The following RIOX2 variants were observed in gnomAD, a reference collection of about 807,000 sequenced individuals.
RIOX2 encodes the protein 60S ribosomal protein L27a histidine hydroxylase.
Under a neutral mutation model 51.2 loss-of-function variants are expected in RIOX2, and 43 were observed. The observed-to-expected ratio is 0.84, with a 90% CI of 0.66 to 1.08. RIOX2 has a LOEUF of 1.08. RIOX2 is among the 50% of genes least tolerant of loss of function. The pLI, the probability that RIOX2 is intolerant of heterozygous loss-of-function variation, is 0.00. For missense variants in RIOX2, 566 were observed against 561.7 expected (o/e 1.01, Z -0.08); for synonymous variants, 226 against 218.5 (o/e 1.03, Z -0.30).
At chr3:97,967,709 A>C in intron 1 of RIOX2, 77 bp from the exon 2 acceptor site, 1 of 1,003,804 alleles carries the variant, frequency 1.0e-6, no homozygotes, top group Non-Finnish European at 1.4e-6. Flanking sequence ...GCGCGCACAC[A>C]CAACTGAATG....
chr3:97,943,944 T>C lies in RIOX2; in HGVS notation c.*1240A>G, dbSNP rs2040291881. On this transcript the variant is annotated 3_prime_UTR_variant, in exon 10 of 10. Coordinates refer to ENST00000394198, the MANE Select transcript of RIOX2 (RefSeq NM_153182.4). Reference sequence around the variant, plus strand: ...GCACAAGAAGTATTTTCTGTAGCTATTGTTTCCTCAGTCCTTCAAACTAAA... The same window carrying C: ...GCACAAGAAGTATTTTCTGTAGCTACTGTTTCCTCAGTCCTTCAAACTAAA... 6.6e-6 allele frequency: 1 copy of C among 151,984 alleles called. No individual in the cohort carries two copies. The highest frequency in any genetic ancestry group is 1.5e-5 in the Non-Finnish European group (1 of 67,938). The allele number at this position is 151,984 out of a possible 1,614,324, so 9.4% of individuals were successfully genotyped here.
Position 97,967,388 on chromosome 3 carries a change from T to C in RIOX2, c.206A>G (p.Asp69Gly). The C allele has an allele frequency of 6.2e-7, 1 of 1,614,180 alleles. No individual in the cohort carries two copies. Among genetic ancestry groups the C allele is most frequent in the Non-Finnish European group, 8.5e-7 (1 of 1,180,036 alleles). Residue 69 changes from aspartate to glycine, a missense_variant, in exon 2 of 10, where the codon GAT becomes GGT. By Grantham distance (94) the Asp-to-Gly change is moderately conservative. Transcript: ENST00000394198. ...WEQKPLLIQR[D>G]DPALATYYGS... ...ATAGTATGTGGCCAGTGCAGGGTCATCTCTCTGAATGAGAAGGGGCTTCTG... is the reference window on the plus strand; with the variant it reads ...ATAGTATGTGGCCAGTGCAGGGTCACCTCTCTGAATGAGAAGGGGCTTCTG...
chr3:97,959,310 T>TG lies in RIOX2; in HGVS notation c.553-132_553-131insC, dbSNP rs1413843680. On this transcript the variant is annotated intron_variant, in intron 3 of 9. Transcript: ENST00000394198. The stretch of plus-strand genomic sequence containing the variant: ...GGTGAACCTTGAACAACACAGGTTT[T>TG]TTTTTTTTTTTTTTTTTTTTAGTTG... The TG allele has an allele frequency of 3.5e-5, 26 of 741,380 alleles. No individual in the cohort carries two copies. The African/African-American group carries it at 4.3e-4, about 12-fold the overall frequency. The allele number at this position is 741,380 out of a possible 1,614,324, so 45.9% of individuals were successfully genotyped here. A position where few individuals can be genotyped will look rare whatever the true frequency, so the allele number is the denominator to read the frequency against.
In RIOX2 at chr3:97,959,038, G is replaced by A. The variant is rs373176562; in HGVS notation, c.681+13C>T. 27 of 1,603,074 alleles carry A rather than the reference G, an allele frequency of 1.7e-5. No homozygotes were observed. Among genetic ancestry groups the A allele is most frequent in the East Asian group, 2.3e-5 (1 of 44,394 alleles). ...GCTCTAACAATGAGGTGCCCACAAC[G>A]GTTATCACATACCTTCAGCATAAAC... On this transcript the variant is annotated intron_variant, in intron 4 of 9. Transcript: ENST00000394198.
At position 97,964,767 on chromosome 3, in the gene RIOX2, A is replaced by T. The variant is rs117726292; in HGVS notation, c.432+2395T>A. Reference sequence around the variant, plus strand: ...AATGGAACAAAAGCTGCCCTATTTCAAATGCCTGTTAGAAAGCTCAAAAGT... The same window carrying T: ...AATGGAACAAAAGCTGCCCTATTTCTAATGCCTGTTAGAAAGCTCAAAAGT... On this transcript the variant is annotated intron_variant, in intron 2 of 9. Coordinates refer to ENST00000394198, the MANE Select transcript of RIOX2 (RefSeq NM_153182.4). 3.3e-5 allele frequency among the ~76,000 whole-genome samples: 5 copies of T among 151,870 alleles called. No homozygotes were observed. In the East Asian group the frequency reaches 9.7e-4, roughly 29 times the overall value.
At chr3:97,971,063 A>G (rs1417988722) in intron 1 of RIOX2, among the ~76,000 whole-genome samples, 1 of 152,244 alleles carries the variant, frequency 6.6e-6, no homozygotes, top group African/African-American at 2.4e-5. Flanking sequence ...CAAAACAGTT[A>G]CGGAAAAAAC....
chr3:97,947,152 T>C (rs1362533868), intron 8 of RIOX2, among the ~76,000 whole-genome samples: 1 of 152,004 alleles, frequency 6.6e-6, no homozygotes, highest in African/African-American at 2.4e-5. Flanking sequence ...ATAAAGGGGA[T>C]GAAGGAAGGT....
chr3:97,964,875 T>C (rs1237066034), intron 2 of RIOX2, among the ~76,000 whole-genome samples: 1 of 152,034 alleles, frequency 6.6e-6, no homozygotes, highest in East Asian at 1.9e-4. Flanking sequence ...ACCAGGACTT[T>C]TAATATATGG....
At position 97,961,782 on chromosome 3, in the gene RIOX2, T is replaced by C. The variant is rs371930684; in HGVS notation, c.433-74A>G. On this transcript the variant is annotated intron_variant, in intron 2 of 9. Coordinates refer to ENST00000394198, the MANE Select transcript of RIOX2 (RefSeq NM_153182.4). ...TGTATTAGAAATAAGAATAAGAGCA[T>C]GTTCTTGTTCACTTAGGAAGTCTTT... is the stretch of plus-strand genomic sequence containing the variant. 1,181 of 1,475,186 alleles carry C rather than the reference T, an allele frequency of 8.0e-4. 24 individuals are homozygous for C. The South Asian group carries it at 0.015, about 19-fold the overall frequency. The allele number at this position is 1,475,186 out of a possible 1,614,324, so 91.4% of individuals were successfully genotyped here. A position where few individuals can be genotyped will look rare whatever the true frequency, so the allele number is the denominator to read the frequency against.
chr3:97,950,886 G>T lies in RIOX2; in HGVS notation c.788C>A (p.Ser263Ter). 1 of 1,610,316 alleles carries T rather than the reference G, an allele frequency of 6.2e-7. No homozygotes were observed. The highest frequency in any genetic ancestry group is 8.5e-7 in the Non-Finnish European group (1 of 1,176,988). ...GGTATCCAAAAGGAAATCTCCCCAT[G>T]AACTAGGATATGCACCAAGGGGGAA... ...HVTISTYQNN[S>*]WGDFLLDTIS... Residue 263 changes from serine to a stop codon, truncating the protein, a stop_gained and splice_region_variant, in exon 6 of 10, where the codon TCA becomes TAA. Coordinates refer to ENST00000394198, the MANE Select transcript of RIOX2 (RefSeq NM_153182.4). LOFTEE classifies it high-confidence loss of function.
intron 8 of RIOX2, among the ~76,000 whole-genome samples, chr3:97,946,586 G>GTGTATATATATATA (rs143245408): frequency 3.9e-5 from 5 of 127,612 alleles, no homozygotes; most frequent in African/African-American, 1.7e-4. Context: ...TTTTGAGGAT[G>GTGTATATATATATA]TATATATATA....
At chr3:97,958,798 A>G (rs780170749) in intron 4 of RIOX2, among the ~76,000 whole-genome samples, 41 of 152,278 alleles carry the variant, frequency 2.7e-4, no homozygotes, top group Non-Finnish European at 5.6e-4. Flanking sequence ...TGAACTGTAC[A>G]TGAAAACAGG....
intron 8 of RIOX2, among the ~76,000 whole-genome samples, chr3:97,946,993 C>T (rs1164979900): frequency 1.3e-5 from 2 of 152,064 alleles, no homozygotes; most frequent in East Asian, 3.9e-4. Flanking sequence ...GGAGATGCAA[C>T]AATATCCACA....
rs191914814 is a variant in RIOX2, at chr3:97,961,299, C to G, written c.552+290G>C. 3.3e-5 allele frequency among the ~76,000 whole-genome samples: 5 copies of G among 152,300 alleles called. No homozygotes were observed. In the East Asian group the frequency reaches 9.6e-4, roughly 29 times the overall value. ...AAATTAAAGGAAAAGCCAAGCACACCTTTCTGTAGATAAATTCAATAAATA... is the reference window on the plus strand; with the variant it reads ...AAATTAAAGGAAAAGCCAAGCACACGTTTCTGTAGATAAATTCAATAAATA... On this transcript the variant is annotated intron_variant, in intron 3 of 9. Coordinates refer to ENST00000394198, the MANE Select transcript of RIOX2 (RefSeq NM_153182.4).
chr3:97,954,835 TC>T (rs1160777785), intron 4 of RIOX2, among the ~76,000 whole-genome samples: 1 of 152,188 alleles, frequency 6.6e-6, no homozygotes, highest in Admixed American at 6.5e-5. Context: ...GCCTGCTTCC[TC>T]CCTCTTGCAT....
At chr3:97,968,841 TGTTA>T (rs143182761) in intron 1 of RIOX2, among the ~76,000 whole-genome samples, 71,734 of 151,606 alleles carry the variant, frequency 0.47, 18,068 homozygotes, top group East Asian at 0.75. Flanking sequence ...CTGAAAGACT[TGTTA>T]TTTATAAATG....
At chr3:97,945,648 TC>T (rs1200472525) in intron 9 of RIOX2, 149 bp downstream of exon 9, 2 of 649,830 alleles carry the variant, frequency 3.1e-6, no homozygotes, top group Non-Finnish European at 5.3e-6. Context: ...GACTTAATCA[TC>T]CCCATGCAGG....
At chr3:97,950,675 A>G in intron 6 of RIOX2, 111 bp downstream of exon 6, 3 of 807,870 alleles carry the variant, frequency 3.7e-6, no homozygotes, top group Non-Finnish European at 6.4e-6. Flanking sequence ...GCAGCACAGT[A>G]GACAAGCCTG....
Position 97,943,444 on chromosome 3 carries a change from C to T in RIOX2, c.*1740G>A, listed in dbSNP as rs1438682940. On this transcript the variant is annotated 3_prime_UTR_variant, in exon 10 of 10. Transcript: ENST00000394198. ...GATCACTGAGCAGAATGAACATTTT[C>T]TCCAGCCTCTGAGACTATCGCTCTT... The T allele has an allele frequency of 6.3e-6, 4 of 639,290 alleles. No individual in the cohort carries two copies. Among genetic ancestry groups the T allele is most frequent in the African/African-American group, 5.7e-5 (3 of 52,268 alleles). The allele number at this position is 639,290 out of a possible 1,614,324, so 39.6% of individuals were successfully genotyped here.
Sources: gnomAD v4.1 joint callset for allele counts (sites outside exome capture counted in the v4.1 genomes callset) on GRCh38, gnomAD v4.1.1 for gene constraint, MANE v1.5 for transcripts, NCBI Gene and HGNC (gene_info 2026-07-23, HGNC 2026-07-21) for gene names.